SAMSN1: variants seen among roughly 807,000 people sequenced by gnomAD.
SAMSN1 encodes the protein SAM domain-containing protein SAMSN-1.
In SAMSN1, 31 loss-of-function variants were observed where a neutral mutation model predicts 42.0. That is an observed-to-expected ratio of 0.74 (90% CI 0.55 to 1.00). SAMSN1 has a LOEUF of 1.00. Ranked by LOEUF, SAMSN1 falls within the 50% of genes least tolerant of loss-of-function variation. The pLI is 0.00. For synonymous variants in SAMSN1, 178 were observed against 151.9 expected, an observed-to-expected ratio of 1.17 and a Z score of -1.26; for missense variants, 464 against 439.4, an observed-to-expected ratio of 1.06 and a Z score of -0.50.
At chr21:14,601,479 G>C (rs527284461) in intron 6 of SAMSN1, among the ~76,000 whole-genome samples, 3 of 152,290 alleles carry the variant, frequency 2.0e-5, no homozygotes, top group South Asian at 4.1e-4. Flanking sequence ...GAACCTCATG[G>C]CTGTCAGAGA....
At chr21:14,604,091 T>TA (rs1333734568) in intron 5 of SAMSN1, among the ~76,000 whole-genome samples, 3 of 152,224 alleles carry the variant, frequency 2.0e-5, no homozygotes, top group African/African-American at 7.2e-5. Context: ...TAGGCACACT[T>TA]AAACCTTTGG....
chr21:14,648,894 A>G (rs1318494229), intron 1 of SAMSN1, among the ~76,000 whole-genome samples: 5 of 151,824 alleles, frequency 3.3e-5, no homozygotes, highest in Non-Finnish European at 5.9e-5. Context: ...TAGAAATACC[A>G]TTTGACCCAG....
chr21:14,521,112 T>C (rs1327704528), intron 2 of SAMSN1, 38 bp downstream of exon 2: 1 of 1,262,512 alleles, frequency 7.9e-7, no homozygotes, highest in Non-Finnish European at 1.1e-6. Flanking sequence ...TCATAATGTG[T>C]TTGCATAACA....
rs1382505868 is a variant in SAMSN1, at chr21:14,486,041, T to TA, written c.992dup (p.Leu331PhefsTer3). 3.1e-6 allele frequency: 5 copies of TA among 1,613,624 alleles called. No homozygotes were observed. Among genetic ancestry groups the TA allele is most frequent in the Non-Finnish European group, 4.2e-6 (5 of 1,179,578 alleles). On this transcript the variant is annotated frameshift_variant, in exon 8 of 8. Transcript: ENST00000400566. LOFTEE classifies it high-confidence loss of function. ...AACCAGAGTCCCTTGGGCAGTCATCTAACTGTGACTTATTTAAGGAGATGT... is the reference window on the plus strand; with the variant it reads ...AACCAGAGTCCCTTGGGCAGTCATCTAAACTGTGACTTATTTAAGGAGATGT...
At chr21:14,638,399 G>A (rs1983517069) in intron 2 of SAMSN1, among the ~76,000 whole-genome samples, 1 of 152,034 alleles carries the variant, frequency 6.6e-6, no homozygotes, top group African/African-American at 2.4e-5. Flanking sequence ...CACTTTTCAA[G>A]TACTCAATTG....
At chr21:14,531,606 A>G (rs1886325250) in intron 1 of SAMSN1, among the ~76,000 whole-genome samples, 1 of 152,200 alleles carries the variant, frequency 6.6e-6, no homozygotes, top group African/African-American at 2.4e-5. Context: ...TATGCTAACA[A>G]AACTTTAGTT....
upstream of SAMSN1, among the ~76,000 whole-genome samples, chr21:14,546,869 C>T (rs976286444): frequency 6.6e-6 from 1 of 151,984 alleles, no homozygotes; most frequent in East Asian, 1.9e-4. Context: ...GCCACCATGC[C>T]TGGCTAATTT....
At chr21:14,609,354 G>T in intron 5 of SAMSN1, 1 of 632,214 alleles carries the variant, frequency 1.6e-6, no homozygotes, top group Non-Finnish European at 2.9e-6. Context: ...TATCTTATTT[G>T]GTTTTCCTTT....
intron 2 of SAMSN1, among the ~76,000 whole-genome samples, chr21:14,561,682 G>A (rs1204305348): frequency 6.6e-6 from 1 of 152,164 alleles, no homozygotes; most frequent in Non-Finnish European, 1.5e-5. Context: ...AAATACGATT[G>A]TTGCCAACAT....
chr21:14,564,318 G>C (rs2079711049), intron 2 of SAMSN1, among the ~76,000 whole-genome samples: 1 of 152,164 alleles, frequency 6.6e-6, no homozygotes, highest in East Asian at 1.9e-4. Flanking sequence ...AGAAGTAGAT[G>C]AGAAGAAGGG....
chr21:14,550,574 A>C (rs749947815), upstream of SAMSN1, among the ~76,000 whole-genome samples: 26 of 152,130 alleles, frequency 1.7e-4, no homozygotes, highest in Non-Finnish European at 3.2e-4. Flanking sequence ...TGAAGTCTAC[A>C]TGATAAATTA....
At chr21:14,549,570 C>A (rs1187134690), upstream of SAMSN1, among the ~76,000 whole-genome samples, 2 of 151,982 alleles carry the variant, frequency 1.3e-5, no homozygotes, top group East Asian at 3.9e-4. Flanking sequence ...GACTATACCT[C>A]AAGTGTTTTG....
intron 3 of SAMSN1, chr21:14,615,894 T>C (rs956140511): frequency 7.6e-6 from 3 of 392,576 alleles, no homozygotes; most frequent in African/African-American, 6.3e-5. Flanking sequence ...AAAAAGTACT[T>C]TGGCACGAAG....
chr21:14,578,680 C>CAA lies in SAMSN1; in HGVS notation c.261+3454_261+3455dup, dbSNP rs769354531. 3.0e-3 allele frequency among the ~76,000 whole-genome samples: 189 copies of CAA among 63,512 alleles called. 1 individual carries two copies. The highest frequency in any genetic ancestry group is 7.6e-3 in the South Asian group (9 of 1,180). 41.7% of individuals were successfully genotyped at this position (63,512 alleles called of 152,430 possible). On this transcript the variant is annotated intron_variant, in intron 2 of 8. Transcript: ENST00000285670. ...CCTGGGCGACAGGGTGAGAATCCATCAAAAAAAAAAAAAAAAAAAAAAAAA... is the reference window on the plus strand; with the variant it reads ...CCTGGGCGACAGGGTGAGAATCCATCAAAAAAAAAAAAAAAAAAAAAAAAAAA...
intron 6 of SAMSN1, among the ~76,000 whole-genome samples, chr21:14,499,192 G>C (rs1350726689): frequency 6.6e-6 from 1 of 152,140 alleles, no homozygotes. Flanking sequence ...TAGAAGCACT[G>C]TAGTTGGGGA....
chr21:14,612,251 A>G (rs1982728788), intron 4 of SAMSN1, among the ~76,000 whole-genome samples: 1 of 152,118 alleles, frequency 6.6e-6, no homozygotes, highest in Admixed American at 6.6e-5. Flanking sequence ...CTAAATAAAT[A>G]AAATTATTGA....
chr21:14,504,059 T>A (rs1174113964), intron 5 of SAMSN1, among the ~76,000 whole-genome samples: 1 of 151,038 alleles, frequency 6.6e-6, no homozygotes, highest in Non-Finnish European at 1.5e-5. Context: ...AGGGGGAGAG[T>A]ACTACATCAA....
chr21:14,643,953 C>T (rs1347801594), intron 1 of SAMSN1, among the ~76,000 whole-genome samples: 3 of 152,128 alleles, frequency 2.0e-5, no homozygotes, highest in Non-Finnish European at 4.4e-5. Flanking sequence ...AGCTGATGCC[C>T]AGCCATAGAG....
chr21:14,508,911 C>T (rs1246893649), intron 5 of SAMSN1, among the ~76,000 whole-genome samples: 7 of 151,890 alleles, frequency 4.6e-5, no homozygotes, highest in African/African-American at 1.2e-4. Flanking sequence ...GGGTGGATCA[C>T]GAGGTCAAGA....
Sources: allele counts gnomAD v4.1 joint callset (sites outside exome capture counted in the v4.1 genomes callset), GRCh38; gene constraint gnomAD v4.1.1; transcripts MANE v1.5; gene names NCBI Gene and HGNC (gene_info 2026-07-23, HGNC 2026-07-21).